Variants in FLNB observed in about 807,000 individuals in gnomAD.
FLNB encodes filamin B.
In FLNB, 111 loss-of-function variants were observed where a neutral mutation model predicts 250.6. That is an observed-to-expected ratio of 0.44 (90% CI 0.38 to 0.52). The LOEUF (loss-of-function observed/expected upper bound fraction) is 0.52, where lower values mean the gene tolerates loss of function less well. Ranked by LOEUF, FLNB falls within the 20% of genes least tolerant of loss-of-function variation. FLNB has a pLI of 0.00. For synonymous variants in FLNB, 1,302 were observed against 1,372.1 expected (o/e 0.95, Z 1.13); for missense variants, 2,869 against 3,447.8 (o/e 0.83, Z 4.20).
intron 26 of FLNB, 100 bp downstream of exon 26, chr3:58,133,031 C>A: frequency 7.5e-7 from 1 of 1,338,020 alleles, no homozygotes; most frequent in Non-Finnish European, 1.0e-6. Context: ...CTCCATCATT[C>A]CATCCATCCA....
rs1158087292 is a variant in FLNB, at chr3:58,094,890, C to T, written c.842C>T (p.Thr281Ile). Residue 281 changes from threonine (T) to isoleucine (I), a missense_variant, in exon 5 of 46, where the codon ACC becomes ATC. By Grantham distance (89) the Thr-to-Ile change is moderately conservative. This residue lies in a region of FLNB where 308 missense variants were observed against 466.1 expected (regional missense o/e 0.66). Coordinates refer to ENST00000295956, the MANE Select transcript of FLNB (RefSeq NM_001457.4). Reference sequence around the variant, plus strand: ...CAGCCAGCCAAGTTCACTGTGGACACCATCAGCGCCGGGCAAGGAGACGTG... The same window carrying T: ...CAGCCAGCCAAGTTCACTGTGGACATCATCAGCGCCGGGCAAGGAGACGTG... Reference protein sequence around the residue: ...VKQPAKFTVDTISAGQGDVMV... With the variant: ...VKQPAKFTVDIISAGQGDVMV... 6.2e-7 allele frequency: 1 copy of T among 1,614,174 alleles called. No homozygotes were observed. Among genetic ancestry groups the T allele is most frequent in the African/African-American group, 1.3e-5 (1 of 75,044 alleles).
intron 4 of FLNB, among the ~76,000 whole-genome samples, chr3:58,084,884 G>A (rs1428715496): frequency 6.6e-6 from 1 of 151,996 alleles, no homozygotes; most frequent in Non-Finnish European, 1.5e-5. Context: ...TCCTAGAAGT[G>A]GAATCATACG....
intron 19 of FLNB, among the ~76,000 whole-genome samples, chr3:58,119,213 G>C (rs1420750327): frequency 6.6e-6 from 1 of 152,056 alleles, no homozygotes; most frequent in Non-Finnish European, 1.5e-5. Flanking sequence ...TGTACAGTGG[G>C]GGGTGGTCGG....
At chr3:58,086,722 T>G (rs2097217922) in intron 4 of FLNB, among the ~76,000 whole-genome samples, 1 of 152,152 alleles carries the variant, frequency 6.6e-6, no homozygotes, top group South Asian at 2.1e-4. Flanking sequence ...GAAAAGGAAG[T>G]GGTGGAGAGA....
In FLNB at chr3:58,163,309, G is replaced by A. The variant is rs1274000605; in HGVS notation, c.7177G>A (p.Gly2393Arg). The A allele has an allele frequency of 1.2e-6, 2 of 1,614,090 alleles. No individual in the cohort carries two copies. The highest frequency in any genetic ancestry group is 1.7e-6 in the Non-Finnish European group (2 of 1,180,052). Residue 2393 changes from glycine to arginine, a missense_variant, in exon 43 of 46, where the codon GGA (glycine) becomes AGA (arginine). Gly to Arg is a moderately radical substitution (Grantham distance 125, BLOSUM62 -2). Coordinates refer to ENST00000295956, the MANE Select transcript of FLNB (RefSeq NM_001457.4). ...TGCCCTGGTGTCCGCCTATGGCACGGGACTCGAAGGGGGCACCACAGGTAA... is the reference window on the plus strand; with the variant it reads ...TGCCCTGGTGTCCGCCTATGGCACGAGACTCGAAGGGGGCACCACAGGTAA... Reference protein sequence around the residue: ...NPALVSAYGTGLEGGTTGIQS... With the variant: ...NPALVSAYGTRLEGGTTGIQS...
intron 1 of FLNB, among the ~76,000 whole-genome samples, chr3:58,065,115 T>A (rs986274796): frequency 6.6e-6 from 1 of 152,212 alleles, no homozygotes; most frequent in Non-Finnish European, 1.5e-5. Context: ...ACAAGGGGAC[T>A]GTGCTCTGTG....
intron 1 of FLNB, among the ~76,000 whole-genome samples, chr3:58,014,540 C>A (rs1183755531): frequency 6.6e-6 from 1 of 152,202 alleles, no homozygotes; most frequent in Admixed American, 6.5e-5. Context: ...TAAAGGAGGG[C>A]TTTGATTTGG....
At chr3:58,161,963 C>T (rs1385446246) in intron 42 of FLNB, among the ~76,000 whole-genome samples, 1 of 152,182 alleles carries the variant, frequency 6.6e-6, no homozygotes, top group Admixed American at 6.5e-5. Context: ...GAGTCATTTC[C>T]TGTGGCTAAA....
chr3:58,163,516 TC>T, intron 43 of FLNB, 186 bp downstream of exon 43: 1 of 616,032 alleles, frequency 1.6e-6, no homozygotes. Flanking sequence ...CCACGATAAA[TC>T]CAGAGTGAGA....
At chr3:58,016,467 CAT>C (rs200994030) in intron 1 of FLNB, among the ~76,000 whole-genome samples, 20 of 148,860 alleles carry the variant, frequency 1.3e-4, no homozygotes, top group African/African-American at 2.7e-4. Context: ...GCCCCTTCCT[CAT>C]ATATATATAT....
At chr3:58,132,495 C>T (rs548563715) in intron 25 of FLNB, 17 of 470,194 alleles carry the variant, frequency 3.6e-5, no homozygotes, top group Admixed American at 6.7e-5. Context: ...TATATTGTGT[C>T]TTCAACACAC....
At chr3:58,016,874 G>T (rs1434257902) in intron 1 of FLNB, among the ~76,000 whole-genome samples, 1 of 152,176 alleles carries the variant, frequency 6.6e-6, no homozygotes, top group Non-Finnish European at 1.5e-5. Flanking sequence ...CTTTTATAAT[G>T]ATTACAGTTG....
At position 58,077,073 on chromosome 3, in the gene FLNB, T is replaced by C; in HGVS notation, c.320T>C (p.Leu107Pro). The change falls in exon 2 of 46, where the codon CTG (leucine) becomes CCG (proline). Residue 107 changes from leucine to proline, a missense_variant. Leu to Pro is a moderately conservative substitution (Grantham distance 98). Around this residue, in one of 5 missense-constraint regions of FLNB, gnomAD observed 308 missense variants for 466.1 expected, o/e 0.66. Transcript: ENST00000295956. ...AGCAAAGCCATTGTGGATGGGAACC[T>C]GAAGCTCATCTTGGGTCTGGTGTGG... ...IDSKAIVDGNLKLILGLVWTL... is the reference protein window; with the variant it reads ...IDSKAIVDGNPKLILGLVWTL... 6.2e-7 allele frequency: 1 copy of C among 1,614,184 alleles called. No homozygotes were observed. Among genetic ancestry groups the C allele is most frequent in the Non-Finnish European group, 8.5e-7 (1 of 1,180,006 alleles).
intron 43 of FLNB, among the ~76,000 whole-genome samples, chr3:58,168,029 C>T (rs967675248): frequency 1.3e-5 from 2 of 152,160 alleles, no homozygotes; most frequent in Non-Finnish European, 2.9e-5. Flanking sequence ...TCCAAGTCTA[C>T]CCGGAGAAGA....
In FLNB at chr3:58,125,587, A is replaced by G. The variant is rs1255500278; in HGVS notation, c.3905A>G (p.His1302Arg). ...TGTTTGTTGTTTTGAGCAGGTCTCC[A>G]TGTAGTGGAGGTGACATATGATGAC... ...VEYTPFEKGL[H>R]VVEVTYDDVP... Residue 1302 changes from histidine (H) to arginine (R), a missense_variant, in exon 23 of 46, where the codon CAT becomes CGT. Physicochemically the swap from His to Arg is conservative, Grantham distance 29 (BLOSUM62 0). Coordinates refer to ENST00000295956, the MANE Select transcript of FLNB (RefSeq NM_001457.4). 1.2e-6 allele frequency: 2 copies of G among 1,614,084 alleles called. No homozygotes were observed. Among genetic ancestry groups the G allele is most frequent in the Non-Finnish European group, 1.7e-6 (2 of 1,180,036 alleles).
At chr3:58,136,708 A>C (rs903368186) in intron 28 of FLNB, among the ~76,000 whole-genome samples, 1 of 131,988 alleles carries the variant, frequency 7.6e-6, no homozygotes, top group African/African-American at 3.0e-5. Context: ...TTTTTCCTTC[A>C]GTTTCTAAGA....
At chr3:58,112,370 A>C in intron 18 of FLNB, 52 bp downstream of exon 18, 2 of 1,559,770 alleles carry the variant, frequency 1.3e-6, no homozygotes, top group Non-Finnish European at 1.8e-6. Context: ...GCCCCTTTCT[A>C]TGCAGTCGGT....
intron 1 of FLNB, among the ~76,000 whole-genome samples, chr3:58,065,146 A>G (rs887226051): frequency 3.9e-5 from 6 of 152,080 alleles, no homozygotes; most frequent in African/African-American, 1.4e-4. Context: ...CCCTGTGTTT[A>G]TATGGTTCAT....
At chr3:58,170,404 A>G (rs2097380228) in intron 45 of FLNB, 171 bp from the exon 46 acceptor site, 1 of 649,822 alleles carries the variant, frequency 1.5e-6, no homozygotes, top group Non-Finnish European at 2.7e-6. Context: ...CAGGGATTCG[A>G]ACCCACACCG....
Sources: gnomAD v4.1 joint callset for allele counts (sites outside exome capture counted in the v4.1 genomes callset) on GRCh38, gnomAD v4.1.1 for gene constraint, gnomAD v4.1.1 regional missense constraint, MANE v1.5 for transcripts, NCBI Gene and HGNC (gene_info 2026-07-23, HGNC 2026-07-21) for gene names.